Variants in IHO1 observed in about 807,000 individuals in gnomAD.
IHO1 encodes interactor of HORMAD1 protein 1.
A neutral mutation model predicts 31.0 loss-of-function variants in IHO1; 13 were observed. The observed-to-expected ratio is 0.42, with a 90% confidence interval of 0.27 to 0.67. The LOEUF (loss-of-function observed/expected upper bound fraction) is 0.67, where lower values mean the gene tolerates loss of function less well. Ranked by LOEUF, IHO1 falls within the 30% of genes least tolerant of loss-of-function variation. IHO1 has a pLI of 0.24. For synonymous variants in IHO1, 221 were observed against 248.4 expected (o/e 0.89, Z 1.04); for missense variants, 599 against 687.5 (o/e 0.87, Z 1.44).
upstream of IHO1, chr3:49,198,896 G>C (rs2046019561): frequency 6.5e-6 from 1 of 153,054 alleles, no homozygotes; most frequent in Non-Finnish European, 1.5e-5. Flanking sequence ...CCAGGGGCCC[G>C]GTTCGATGTC....
At chr3:49,243,757 C>CAAAA (rs1158612762) in intron 4 of IHO1, among the ~76,000 whole-genome samples, 1 of 44,574 alleles carries the variant, frequency 2.2e-5, no homozygotes, top group African/African-American at 8.6e-5. Flanking sequence ...GACTCTGTCT[C>CAAAA]AAAAAAAAAA....
chr3:49,200,882 A>T (rs1043406701), intron 1 of IHO1, among the ~76,000 whole-genome samples: 1 of 152,310 alleles, frequency 6.6e-6, no homozygotes, highest in East Asian at 1.9e-4. Context: ...TTAAAAGCCT[A>T]TACAGGTAGC....
chr3:49,251,870 G>A (rs113619549), intron 6 of IHO1, among the ~76,000 whole-genome samples: 3 of 151,986 alleles, frequency 2.0e-5, no homozygotes, highest in East Asian at 1.9e-4. Flanking sequence ...CCGAAGTGCT[G>A]GGATTACGGG....
intron 2 of IHO1, among the ~76,000 whole-genome samples, chr3:49,235,546 CTT>C (rs2046549940): frequency 6.6e-6 from 1 of 150,910 alleles, no homozygotes; most frequent in Admixed American, 6.6e-5. Context: ...ATAAATCTAA[CTT>C]AATGCTTCTG....
upstream of IHO1, among the ~76,000 whole-genome samples, chr3:49,197,983 C>T (rs1334715316): frequency 6.6e-6 from 1 of 152,166 alleles, no homozygotes; most frequent in Non-Finnish European, 1.5e-5. Flanking sequence ...TTGCCTCAGG[C>T]AATGCCACAC....
chr3:49,200,511 G>GAAAGAAAGAAAGA (rs1575560971), intron 1 of IHO1: 14 of 758,028 alleles, frequency 1.8e-5, no homozygotes, highest in Admixed American at 7.4e-5. Context: ...AAGAAAGAAA[G>GAAAGAAAGAAAGA]AAAGAAAAGA....
intron 3 of IHO1, among the ~76,000 whole-genome samples, chr3:49,239,433 C>T (rs2046600888): frequency 6.7e-6 from 1 of 149,566 alleles, no homozygotes; most frequent in South Asian, 2.1e-4. Flanking sequence ...GGGCGTGCAC[C>T]ACCACGCCCA....
intron 1 of IHO1, among the ~76,000 whole-genome samples, chr3:49,210,697 C>CTT (rs768927173): frequency 1.7e-4 from 22 of 131,584 alleles, no homozygotes; most frequent in African/African-American, 5.0e-4. Context: ...CTGCGCCCGG[C>CTT]TTTTTTTTTT....
intron 3 of IHO1, among the ~76,000 whole-genome samples, chr3:49,240,928 T>C (rs1468531349): frequency 2.6e-5 from 4 of 152,214 alleles, no homozygotes; most frequent in Non-Finnish European, 5.9e-5. Context: ...ATGTCAGAAA[T>C]AGCATAAATG....
Position 49,255,760 on chromosome 3 carries a change from C to G in IHO1, c.636+267C>G, listed in dbSNP as rs370258632. ...GAGAGGGGGTTTTTCACCATGTTGG[C>G]CAGGATGGTCTCAATCTCTTGACCT... On this transcript the variant is annotated intron_variant, in intron 7 of 7. Coordinates refer to ENST00000452691, the MANE Select transcript of IHO1 (RefSeq NM_001135197.2). 6.8e-4 allele frequency among the ~76,000 whole-genome samples: 103 copies of G among 151,990 alleles called. 3 individuals are homozygous for G. The South Asian group carries it at 0.021, about 31-fold the overall frequency.
chr3:49,240,377 G>A (rs1469286104), intron 3 of IHO1, among the ~76,000 whole-genome samples: 1 of 152,086 alleles, frequency 6.6e-6, no homozygotes, highest in East Asian at 1.9e-4. Flanking sequence ...GCGCCTGCCA[G>A]CATGCCCGGC....
At chr3:49,248,135 A>G (rs184676705) in intron 6 of IHO1, among the ~76,000 whole-genome samples, 1 of 150,934 alleles carries the variant, frequency 6.6e-6, no homozygotes, top group African/African-American at 2.4e-5. Flanking sequence ...AAAAAAAAAA[A>G]AAAAAGGCCA....
chr3:49,252,447 C>T (rs1244685413), intron 6 of IHO1, among the ~76,000 whole-genome samples: 1 of 151,868 alleles, frequency 6.6e-6, no homozygotes, highest in Non-Finnish European at 1.5e-5. Flanking sequence ...GAGATAGGTT[C>T]TCCCTCTGTC....
At chr3:49,200,170 G>A (rs898263553) in intron 1 of IHO1, among the ~76,000 whole-genome samples, 2 of 152,110 alleles carry the variant, frequency 1.3e-5, no homozygotes, top group Non-Finnish European at 2.9e-5. Context: ...GCCTCACATC[G>A]CAGCCTCAAG....
At chr3:49,228,776 G>A (rs929945693) in intron 2 of IHO1, among the ~76,000 whole-genome samples, 12 of 152,168 alleles carry the variant, frequency 7.9e-5, no homozygotes, top group African/African-American at 2.9e-4. Flanking sequence ...AGGTGGTGTG[G>A]ACCCAAAGAG....
chr3:49,244,637 GT>G lies in IHO1; in HGVS notation c.445-6del, dbSNP rs2046673225. ...CCTGTGAATTATTTCATAATTTTGG[GT>G]TTCTTAGTTGCAGACGTCTGTGGAA... On this transcript the variant is annotated splice_polypyrimidine_tract_variant and splice_region_variant and intron_variant, in intron 5 of 7. Transcript: ENST00000452691. The G allele has an allele frequency of 6.2e-7, 1 of 1,609,208 alleles. No homozygotes were observed. The highest frequency in any genetic ancestry group is 8.5e-7 in the Non-Finnish European group (1 of 1,176,276).
intron 2 of IHO1, among the ~76,000 whole-genome samples, chr3:49,225,095 T>C (rs902867530): frequency 1.3e-5 from 2 of 152,204 alleles, no homozygotes; most frequent in African/African-American, 4.8e-5. Flanking sequence ...TATTTAGGTA[T>C]GCCACTGGTT....
chr3:49,226,641 C>G (rs1418138226), intron 2 of IHO1, among the ~76,000 whole-genome samples: 2 of 152,208 alleles, frequency 1.3e-5, no homozygotes, highest in Non-Finnish European at 2.9e-5. Context: ...AGCTGTCATT[C>G]TGTCATTTAC....
chr3:49,203,479 G>A (rs752807007), intron 1 of IHO1, among the ~76,000 whole-genome samples: 5 of 152,086 alleles, frequency 3.3e-5, no homozygotes, highest in Admixed American at 6.6e-5. Flanking sequence ...TCTGACTTAA[G>A]GTTACTGTAA....
Sources: gnomAD v4.1 joint callset for allele counts (sites outside exome capture counted in the v4.1 genomes callset) on GRCh38, gnomAD v4.1.1 for gene constraint, MANE v1.5 for transcripts, NCBI Gene and HGNC (gene_info 2026-07-23, HGNC 2026-07-21) for gene names.